Variants in ALK observed in about 807,000 individuals in gnomAD.
ALK encodes ALK tyrosine kinase receptor.
ALK carries 74 observed loss-of-function variants against 163.1 expected under a neutral mutation model. The ratio of observed to expected loss-of-function variants is 0.45; its 90% CI spans 0.38 to 0.55. The LOEUF (loss-of-function observed/expected upper bound fraction) is 0.55, where lower values mean the gene tolerates loss of function less well. Ranked by LOEUF, ALK falls within the 20% of genes least tolerant of loss-of-function variation. The probability of loss-of-function intolerance (pLI) is 0.00; values close to 1 mark genes in which losing one functional copy is unlikely to be tolerated. For synonymous variants in ALK, 960 were observed against 843.2 expected, an observed-to-expected ratio of 1.14 and a Z score of -2.40; for missense variants, 2,063 against 2,105.3, an observed-to-expected ratio of 0.98 and a Z score of 0.39.
At chr2:29,732,222 A>G (rs1364414839) in intron 1 of ALK, among the ~76,000 whole-genome samples, 1 of 152,244 alleles carries the variant, frequency 6.6e-6, no homozygotes, top group African/African-American at 2.4e-5. Flanking sequence ...AATTTATTAC[A>G]TATCATGTAA....
chr2:29,198,674 C>T (rs1359821802), intron 26 of ALK, among the ~76,000 whole-genome samples: 4 of 152,168 alleles, frequency 2.6e-5, no homozygotes, highest in African/African-American at 7.2e-5. Flanking sequence ...GACACACTCA[C>T]CAGCATTGAG....
chr2:29,423,823 C>T (rs760535159), intron 4 of ALK, among the ~76,000 whole-genome samples: 3 of 152,274 alleles, frequency 2.0e-5, no homozygotes, highest in Non-Finnish European at 4.4e-5. Flanking sequence ...TATGTTTGCA[C>T]TAAGAATGAC....
intron 8 of ALK, among the ~76,000 whole-genome samples, chr2:29,312,199 G>C: frequency 6.6e-6 from 1 of 152,100 alleles, no homozygotes; most frequent in African/African-American, 2.4e-5. Context: ...ACTAAAGTCA[G>C]ATAAGAAGAT....
chr2:29,636,367 A>T (rs1676531994), intron 3 of ALK, among the ~76,000 whole-genome samples: 1 of 150,446 alleles, frequency 6.6e-6, no homozygotes, highest in Non-Finnish European at 1.5e-5. Flanking sequence ...AAAAGAAAAG[A>T]AAAGAAAAGA....
chr2:29,203,703 C>A (rs1276311686), intron 26 of ALK, among the ~76,000 whole-genome samples: 2 of 151,522 alleles, frequency 1.3e-5, no homozygotes, highest in Non-Finnish European at 2.9e-5. Flanking sequence ...CCAGGCTGGT[C>A]TCGAACTCCT....
At chr2:29,344,934 G>C (rs953562201) in intron 5 of ALK, among the ~76,000 whole-genome samples, 1 of 152,200 alleles carries the variant, frequency 6.6e-6, no homozygotes, top group Non-Finnish European at 1.5e-5. Flanking sequence ...ATAGTGACTT[G>C]TCTGTGTGAC....
chr2:29,382,357 T>C (rs994108406), intron 5 of ALK, among the ~76,000 whole-genome samples: 1 of 152,186 alleles, frequency 6.6e-6, no homozygotes, highest in Admixed American at 6.5e-5. Flanking sequence ...ATGAATGTTT[T>C]TAGGTGAGAG....
intron 4 of ALK, among the ~76,000 whole-genome samples, chr2:29,505,949 A>C (rs1672307674): frequency 6.6e-6 from 1 of 152,198 alleles, no homozygotes; most frequent in South Asian, 2.1e-4. Flanking sequence ...GGACTCGTGC[A>C]GCAATCCCCC....
chr2:29,770,815 G>A (rs909954953), intron 1 of ALK, among the ~76,000 whole-genome samples: 14 of 151,952 alleles, frequency 9.2e-5, no homozygotes, highest in African/African-American at 3.4e-4. Context: ...TGTAAATAAT[G>A]AGAGTGCCAG....
chr2:29,465,988 A>G (rs1671201425), intron 4 of ALK, among the ~76,000 whole-genome samples: 1 of 152,244 alleles, frequency 6.6e-6, no homozygotes, highest in African/African-American at 2.4e-5. Context: ...TAAAGATCTT[A>G]TACTATACAT....
chr2:29,236,586 G>T (rs77498262), intron 13 of ALK, among the ~76,000 whole-genome samples: 8 of 152,266 alleles, frequency 5.3e-5, no homozygotes, highest in African/African-American at 9.6e-5. Context: ...TAGATCAGGT[G>T]GGGGTGGGGA....
intron 4 of ALK, among the ~76,000 whole-genome samples, chr2:29,394,140 G>A (rs1160849424): frequency 2.0e-5 from 3 of 152,100 alleles, no homozygotes; most frequent in African/African-American, 7.2e-5. Context: ...GCATTTAGAA[G>A]TTGCAAATTA....
intron 11 of ALK, among the ~76,000 whole-genome samples, chr2:29,271,910 G>T (rs1052087889): frequency 6.6e-6 from 1 of 152,200 alleles, no homozygotes; most frequent in Non-Finnish European, 1.5e-5. Flanking sequence ...AAGTTTGGGC[G>T]GGTTCTCCCA....
chr2:29,200,855 G>GTA (rs1418343813), intron 26 of ALK, among the ~76,000 whole-genome samples: 2 of 144,698 alleles, frequency 1.4e-5, no homozygotes, highest in Non-Finnish European at 3.0e-5. Flanking sequence ...ATATAGATAC[G>GTA]TATATATATG....
chr2:29,545,690 TCCACCA>T (rs1160125573), intron 3 of ALK, among the ~76,000 whole-genome samples: 2 of 152,212 alleles, frequency 1.3e-5, no homozygotes, highest in Non-Finnish European at 2.9e-5. Flanking sequence ...TCTGTTACTC[TCCACCA>T]CCAGGACTTA....
At chr2:29,897,163 T>C (rs535936398) in intron 1 of ALK, among the ~76,000 whole-genome samples, 1 of 151,940 alleles carries the variant, frequency 6.6e-6, no homozygotes, top group South Asian at 2.1e-4. Flanking sequence ...CTACTAAAAA[T>C]ACAAAAATTA....
At chr2:29,612,875 G>A (rs1675735867) in intron 3 of ALK, among the ~76,000 whole-genome samples, 1 of 152,138 alleles carries the variant, frequency 6.6e-6, no homozygotes, top group South Asian at 2.1e-4. Context: ...AGTACCTTCG[G>A]AATTTTAGAG....
intron 3 of ALK, among the ~76,000 whole-genome samples, chr2:29,593,387 G>A (rs747566056): frequency 1.3e-5 from 2 of 152,206 alleles, no homozygotes; most frequent in African/African-American, 2.4e-5. Context: ...ACCCTAGGAC[G>A]TAGTTTCCCT....
chr2:29,802,336 G>T (rs1202609410), intron 1 of ALK, among the ~76,000 whole-genome samples: 1 of 21,450 alleles, frequency 4.7e-5, no homozygotes, highest in African/African-American at 1.5e-4. Flanking sequence ...GAGGAGGGGA[G>T]GGCAGGGGAG....
Sources: gnomAD v4.1 joint callset for allele counts (sites outside exome capture counted in the v4.1 genomes callset) on GRCh38, gnomAD v4.1.1 for gene constraint, MANE v1.5 for transcripts, NCBI Gene and HGNC (gene_info 2026-07-23, HGNC 2026-07-21) for gene names.